Variants in BRIP1 observed in about 807,000 individuals in gnomAD.
BRIP1 encodes Fanconi anemia group J protein.
A neutral mutation model predicts 119.7 loss-of-function variants in BRIP1; 88 were observed. The observed-to-expected ratio is 0.74, with a 90% CI of 0.62 to 0.88. The LOEUF (loss-of-function observed/expected upper bound fraction) is 0.88. BRIP1 is among the 40% of genes least tolerant of loss of function. The pLI, the probability that BRIP1 is intolerant of heterozygous loss-of-function variation, is 0.00. For missense variants in BRIP1, 1,259 were observed against 1,455.4 expected (o/e 0.87, Z 2.20); for synonymous variants, 443 against 496.5 (o/e 0.89, Z 1.43).
In BRIP1 at chr17:61,856,204, C is replaced by A. The variant is rs1046129584; in HGVS notation, c.379+854G>T. Among the ~76,000 whole-genome samples, 3 of 152,140 alleles carry A rather than the reference C, an allele frequency of 2.0e-5. No individual in the cohort carries two copies. Among genetic ancestry groups the A allele is most frequent in the African/African-American group, 7.2e-5 (3 of 41,448 alleles). On this transcript the variant is annotated intron_variant, in intron 4 of 19. Coordinates refer to ENST00000259008, the MANE Select transcript of BRIP1 (RefSeq NM_032043.3). This position sits in a 1 kb window ranked among gnomAD's most constrained non-coding sequence, Gnocchi z 5.1. ...TCCACTTCTCTTTCCTCATTCCTAC[C>A]AGAAGTTCAATCATCTACCCTCCTC...
In BRIP1 at chr17:61,740,658, G is replaced by A. The variant is rs766686153; in HGVS notation, c.2379+2355C>T. Among the ~76,000 whole-genome samples the A allele has an allele frequency of 5.9e-5, 9 of 152,094 alleles. No individual in the cohort carries two copies. Among genetic ancestry groups the A allele is most frequent in the Non-Finnish European group, 1.2e-4 (8 of 68,010 alleles). ...CAAAGTAAGTCACATGAATTTTTTGGTTTCCCAACACATATAAAAGCTATG... is the reference window on the plus strand; with the variant it reads ...CAAAGTAAGTCACATGAATTTTTTGATTTCCCAACACATATAAAAGCTATG... On this transcript the variant is annotated intron_variant, in intron 16 of 19. Transcript: ENST00000259008. This position sits in a 1 kb window ranked among gnomAD's most constrained non-coding sequence, Gnocchi z 5.4.
intron 16 of BRIP1, among the ~76,000 whole-genome samples, chr17:61,721,294 G>A (rs1444116738): frequency 8.3e-6 from 1 of 120,292 alleles, no homozygotes; most frequent in Non-Finnish European, 1.7e-5. Context: ...TTTTTAACAC[G>A]GAGTCTTGCT....
Position 61,726,268 on chromosome 17 carries a change from G to A in BRIP1, c.2380-10205C>T, listed in dbSNP as rs955600495. ...GACTGTGTGCCAACCTTACCTTAGA[G>A]AATTGGTTGAAGAAATAAATGACAA... On this transcript the variant is annotated intron_variant, in intron 16 of 19. Coordinates refer to ENST00000259008, the MANE Select transcript of BRIP1 (RefSeq NM_032043.3). This position sits in a 1 kb window ranked among gnomAD's most constrained non-coding sequence, Gnocchi z 6.2. Among the ~76,000 whole-genome samples the A allele has an allele frequency of 5.9e-5, 9 of 152,178 alleles. No individual in the cohort carries two copies. Among genetic ancestry groups the A allele is most frequent in the Non-Finnish European group, 1.3e-4 (9 of 68,044 alleles).
In BRIP1 at chr17:61,725,590, C is replaced by T. The variant is rs2076755896; in HGVS notation, c.2380-9527G>A. Among the ~76,000 whole-genome samples, 1 of 152,068 alleles carries T rather than the reference C, an allele frequency of 6.6e-6. No individual in the cohort carries two copies. The highest frequency in any genetic ancestry group is 2.1e-4 in the South Asian group (1 of 4,818). On this transcript the variant is annotated intron_variant, in intron 16 of 19. Transcript: ENST00000259008. This position sits in a 1 kb window ranked among gnomAD's most constrained non-coding sequence, Gnocchi z 5.3. ...CTCTAAGACATGCAAGAAATCTTAGCATGCTTATTCTGTAAAGGGCTAAGT... is the reference window on the plus strand; with the variant it reads ...CTCTAAGACATGCAAGAAATCTTAGTATGCTTATTCTGTAAAGGGCTAAGT...
Position 61,695,762 on chromosome 17 carries a change from A to G in BRIP1, c.2493-2250T>C, listed in dbSNP as rs2061511228. Among the ~76,000 whole-genome samples, 1 of 151,932 alleles carries G rather than the reference A, an allele frequency of 6.6e-6. No individual in the cohort carries two copies. Among genetic ancestry groups the G allele is most frequent in the Admixed American group, 6.6e-5 (1 of 15,248 alleles). ...ATTTTAAATGGTATTTTTTAAGTTC[A>G]TTTTTAGATTTTTGGCTGCTAGTGA... On this transcript the variant is annotated intron_variant, in intron 17 of 19. Coordinates refer to ENST00000259008, the MANE Select transcript of BRIP1 (RefSeq NM_032043.3). This position sits in a 1 kb window ranked among gnomAD's most constrained non-coding sequence, Gnocchi z 4.3.
chr17:61,784,572 A>G (rs2077675972), intron 10 of BRIP1, 148 bp from the exon 11 acceptor site: 5 of 776,542 alleles, frequency 6.4e-6, no homozygotes, highest in Non-Finnish European at 1.1e-5. Context: ...ACTTCTCCAA[A>G]TCTGATATTG....
chr17:61,855,072 T>C (rs1032989151), intron 4 of BRIP1, among the ~76,000 whole-genome samples: 1 of 152,122 alleles, frequency 6.6e-6, no homozygotes, highest in African/African-American at 2.4e-5. Flanking sequence ...CAAACTAATC[T>C]ATAGTAACAA....
At chr17:61,821,451 G>A (rs940927916) in intron 6 of BRIP1, among the ~76,000 whole-genome samples, 1 of 151,818 alleles carries the variant, frequency 6.6e-6, no homozygotes, top group African/African-American at 2.4e-5. Context: ...TCGGCCTTAG[G>A]TTCCCTGCCT....
chr17:61,723,077 G>C (rs1227436415), intron 16 of BRIP1, among the ~76,000 whole-genome samples: 5 of 152,052 alleles, frequency 3.3e-5, no homozygotes, highest in Admixed American at 1.3e-4. Context: ...CAGTTAATTG[G>C]AAAAAGCAAA....
At chr17:61,797,444 G>A (rs937717892) in intron 9 of BRIP1, among the ~76,000 whole-genome samples, 1 of 151,922 alleles carries the variant, frequency 6.6e-6, no homozygotes, top group Non-Finnish European at 1.5e-5. Flanking sequence ...CTCTGTATTT[G>A]GCAATATAGA....
At chr17:61,811,927 G>C (rs1411647253) in intron 6 of BRIP1, among the ~76,000 whole-genome samples, 1 of 152,050 alleles carries the variant, frequency 6.6e-6, no homozygotes, top group Non-Finnish European at 1.5e-5. Flanking sequence ...ACTCCAGCCT[G>C]GGTGACAGAG....
chr17:61,755,975 A>C lies in BRIP1; in HGVS notation c.2098-11384T>G, dbSNP rs2077195336. Among the ~76,000 whole-genome samples, 1 of 152,218 alleles carries C rather than the reference A, an allele frequency of 6.6e-6. No homozygotes were observed. The highest frequency in any genetic ancestry group is 1.5e-5 in the Non-Finnish European group (1 of 68,044). The stretch of plus-strand genomic sequence containing the variant: ...TGACTATGACACATTTCCACAGAAC[A>C]CAATGTGTTTTATTTTAATTTCTTC... On this transcript the variant is annotated intron_variant, in intron 14 of 19. Transcript: ENST00000259008. This position sits in a 1 kb window ranked among gnomAD's most constrained non-coding sequence, Gnocchi z 4.5.
In BRIP1 at chr17:61,722,847, C is replaced by A. The variant is rs1036001630; in HGVS notation, c.2380-6784G>T. ...TTAATTTATTGCAAATTTTCAAACA[C>A]CTTTTACACTCCAAATGGCCTTTAA... is the stretch of plus-strand genomic sequence containing the variant. On this transcript the variant is annotated intron_variant, in intron 16 of 19. Coordinates refer to ENST00000259008, the MANE Select transcript of BRIP1 (RefSeq NM_032043.3). This position sits in a 1 kb window ranked among gnomAD's most constrained non-coding sequence, Gnocchi z 4.6. Among the ~76,000 whole-genome samples the A allele has an allele frequency of 1.3e-5, 2 of 152,054 alleles. No homozygotes were observed. The highest frequency in any genetic ancestry group is 4.8e-5 in the African/African-American group (2 of 41,406).
chr17:61,843,322 T>C lies in BRIP1; in HGVS notation c.627+3779A>G, dbSNP rs1195180957. On this transcript the variant is annotated intron_variant, in intron 6 of 19. Coordinates refer to ENST00000259008, the MANE Select transcript of BRIP1 (RefSeq NM_032043.3). The surrounding 1 kb of genome is among the most constrained non-coding windows in gnomAD (Gnocchi z 5.7). The stretch of plus-strand genomic sequence containing the variant: ...ATCATGACAACAGTTAATAATACTA[T>C]ATTCTAGGCTGGATATTTCGATATT... Among the ~76,000 whole-genome samples, 1 of 152,152 alleles carries C rather than the reference T, an allele frequency of 6.6e-6. No individual in the cohort carries two copies. Among genetic ancestry groups the C allele is most frequent in the Non-Finnish European group, 1.5e-5 (1 of 68,028 alleles).
chr17:61,775,423 T>A lies in BRIP1; in HGVS notation c.2097+978A>T, dbSNP rs2077518509. Among the ~76,000 whole-genome samples the A allele has an allele frequency of 6.6e-6, 1 of 152,104 alleles. No individual in the cohort carries two copies. The highest frequency in any genetic ancestry group is 2.4e-5 in the African/African-American group (1 of 41,444). ...GAGTCAAAAGTATCAATATTGTCAT[T>A]CAAATATATTACTTCCAAATGCTTC... is the stretch of plus-strand genomic sequence containing the variant. On this transcript the variant is annotated intron_variant, in intron 14 of 19. Transcript: ENST00000259008. The surrounding 1 kb of genome is among the most constrained non-coding windows in gnomAD (Gnocchi z 4.4).
Position 61,768,976 on chromosome 17 carries a change from C to A in BRIP1, c.2097+7425G>T, listed in dbSNP as rs1299702975. 6.6e-6 allele frequency among the ~76,000 whole-genome samples: 1 copy of A among 152,050 alleles called. No individual in the cohort carries two copies. The highest frequency in any genetic ancestry group is 6.6e-5 in the Admixed American group (1 of 15,260). On this transcript the variant is annotated intron_variant, in intron 14 of 19. Transcript: ENST00000259008. This position sits in a 1 kb window ranked among gnomAD's most constrained non-coding sequence, Gnocchi z 5.0. Reference sequence around the variant, plus strand: ...AAAAGTAGTAGTAGTAATAAGCTGCCACGTTGTTGAGAGGGCGATATGACT... The same window carrying A: ...AAAAGTAGTAGTAGTAATAAGCTGCAACGTTGTTGAGAGGGCGATATGACT...
At position 61,822,753 on chromosome 17, in the gene BRIP1, G is replaced by A. The variant is rs1335744680; in HGVS notation, c.628-13996C>T. ...TAAATGTGTAGTGGGATGTGAATGGGGAAAAGTTTGTGTTTAAAAAAAAAA... is the reference window on the plus strand; with the variant it reads ...TAAATGTGTAGTGGGATGTGAATGGAGAAAAGTTTGTGTTTAAAAAAAAAA... On this transcript the variant is annotated intron_variant, in intron 6 of 19. Transcript: ENST00000259008. This position sits in a 1 kb window ranked among gnomAD's most constrained non-coding sequence, Gnocchi z 4.4. Among the ~76,000 whole-genome samples the A allele has an allele frequency of 6.6e-6, 1 of 151,486 alleles. No homozygotes were observed. Among genetic ancestry groups the A allele is most frequent in the Non-Finnish European group, 1.5e-5 (1 of 68,000 alleles).
chr17:61,778,929 T>C lies in BRIP1; in HGVS notation c.1935+1332A>G, dbSNP rs1027999822. Among the ~76,000 whole-genome samples the C allele has an allele frequency of 3.9e-5, 6 of 152,222 alleles. No homozygotes were observed. Among genetic ancestry groups the C allele is most frequent in the African/African-American group, 1.4e-4 (6 of 41,460 alleles). On this transcript the variant is annotated intron_variant, in intron 13 of 19. Coordinates refer to ENST00000259008, the MANE Select transcript of BRIP1 (RefSeq NM_032043.3). The surrounding 1 kb of genome is among the most constrained non-coding windows in gnomAD (Gnocchi z 4.4). ...TATATAGCTTAATAAAGAGCTAGCATTGTGTTAGGCACACAGGTGATGTTA... is the reference window on the plus strand; with the variant it reads ...TATATAGCTTAATAAAGAGCTAGCACTGTGTTAGGCACACAGGTGATGTTA...
At chr17:61,811,890 T>C (rs2078167915) in intron 6 of BRIP1, among the ~76,000 whole-genome samples, 1 of 151,984 alleles carries the variant, frequency 6.6e-6, no homozygotes, top group Non-Finnish European at 1.5e-5. Flanking sequence ...AGACGGAGGT[T>C]ACAGTGAGCC....
Sources: allele counts gnomAD v4.1 joint callset (sites outside exome capture counted in the v4.1 genomes callset), GRCh38; gene constraint gnomAD v4.1.1; non-coding constraint Gnocchi (gnomAD v3.1); transcripts MANE v1.5; gene names NCBI Gene and HGNC (gene_info 2026-07-23, HGNC 2026-07-21).